Variants in MIA2 observed in about 807,000 individuals in gnomAD.
MIA2 encodes MIA SH3 domain ER export factor 2.
A neutral mutation model predicts 167.8 loss-of-function variants in MIA2; 127 were observed. The observed-to-expected ratio is 0.76, with a 90% confidence interval of 0.66 to 0.88. The LOEUF (loss-of-function observed/expected upper bound fraction) is 0.88. Among genes scored for constraint, MIA2 ranks in the 40% least tolerant of loss-of-function variants. The probability of loss-of-function intolerance (pLI) is 0.00; values close to 1 mark genes in which losing one functional copy is unlikely to be tolerated. For synonymous variants in MIA2, 552 were observed against 541.9 expected, an observed-to-expected ratio of 1.02 and a Z score of -0.26; for missense variants, 1,690 against 1,624.7, an observed-to-expected ratio of 1.04 and a Z score of -0.69.
chr14:39,357,926 T>A (rs11560068), intron 23 of MIA2, among the ~76,000 whole-genome samples: 5 of 152,244 alleles, frequency 3.3e-5, no homozygotes, highest in Non-Finnish European at 5.9e-5. Context: ...AGATCAGCTG[T>A]TAGTCTGATG....
At chr14:39,312,784 A>G (rs2064553678) in intron 18 of MIA2, among the ~76,000 whole-genome samples, 1 of 152,130 alleles carries the variant, frequency 6.6e-6, no homozygotes, top group South Asian at 2.1e-4. Flanking sequence ...TTTGGCACAT[A>G]CTAATGGCTC....
chr14:39,279,639 T>A, intron 9 of MIA2, 102 bp downstream of exon 9: 1 of 745,756 alleles, frequency 1.3e-6, no homozygotes, highest in Non-Finnish European at 2.2e-6. Context: ...ATGCTTTGTT[T>A]GCAGAGTATG....
chr14:39,234,063 C>A lies in MIA2; in HGVS notation c.-52C>A. 8.3e-7 allele frequency: 1 copy of A among 1,201,870 alleles called. No homozygotes were observed. The highest frequency in any genetic ancestry group is 1.2e-6 in the Non-Finnish European group (1 of 827,278). 74.5% of individuals were successfully genotyped at this position (1,201,870 alleles called of 1,614,324 possible). On this transcript the variant is annotated 5_prime_UTR_variant, in exon 1 of 29. Transcript: ENST00000640607. ...CCAGTTTTGGCTGACATCTCTACAA[C>A]CTGAACAATTGGCTTAAACTTCACT...
At chr14:39,349,936 G>A (rs554545081) in intron 28 of MIA2, among the ~76,000 whole-genome samples, 162 bp from the exon 29 acceptor site, 43 of 152,044 alleles carry the variant, frequency 2.8e-4, no homozygotes, top group African/African-American at 5.1e-4. Flanking sequence ...GAAGAGGTAC[G>A]TTTTTCTCAA....
rs146449091 is a variant in MIA2, at chr14:39,377,630, A to G, written c.2249-9255A>G. 1.8e-3 allele frequency among the ~76,000 whole-genome samples: 273 copies of G among 152,308 alleles called. 1 individual carries two copies. Among genetic ancestry groups the G allele is most frequent in the African/African-American group, 6.0e-3 (249 of 41,586 alleles). ...TTTGAACAGGATTTTTCTCTCTCCA[A>G]TAACCCAATTTTACTTAAAATCATA... is the stretch of plus-strand genomic sequence containing the variant. On this transcript the variant is annotated intron_variant, in intron 23 of 23. Coordinates refer to the MIA2 transcript ENST00000341502.
chr14:39,307,987 A>G (rs2063632474), intron 17 of MIA2, among the ~76,000 whole-genome samples: 1 of 152,202 alleles, frequency 6.6e-6, no homozygotes, highest in Non-Finnish European at 1.5e-5. Context: ...CAGATACAAA[A>G]TTATAACTAG....
At chr14:39,380,480 G>A (rs1404933711) in intron 23 of MIA2, among the ~76,000 whole-genome samples, 2 of 152,042 alleles carry the variant, frequency 1.3e-5, no homozygotes, top group Admixed American at 6.6e-5. Flanking sequence ...AGATCACGAG[G>A]TCAAGAGATA....
In MIA2 at chr14:39,298,542, T is replaced by TTTTTTTTTTTTTG. The variant is rs2061859226; in HGVS notation, c.2497-1320_2497-1308dup. ...TTGGTAGAACAGAGTTTTTTTTTTTTTTTTTTTTTTTTGTGAGCAACATGG... is the reference window on the plus strand; with the variant it reads ...TTGGTAGAACAGAGTTTTTTTTTTTTTTTTTTTTTTTTGTTTTTTTTTTTTGTGAGCAACATGG... On this transcript the variant is annotated intron_variant, in intron 13 of 28. Transcript: ENST00000640607. Among the ~76,000 whole-genome samples, 17 of 97,004 alleles carry TTTTTTTTTTTTTG rather than the reference T, an allele frequency of 1.8e-4. 1 individual carries two copies. In the East Asian group the frequency reaches 4.2e-3, roughly 24 times the overall value. The allele number at this position is 97,004 out of a possible 152,430, so 63.6% of individuals were successfully genotyped here.
At chr14:39,288,454 TATATATATATATATATATATA>T (rs1270907401) in intron 9 of MIA2, among the ~76,000 whole-genome samples, 262 of 13,616 alleles carry the variant, frequency 0.019, 9 homozygotes, top group South Asian at 0.038. Flanking sequence ...TATATATATA[TATATATATATATATATATATA>T]TTTTTTTTTT....
chr14:39,237,459 G>A (rs1177192455), intron 2 of MIA2, among the ~76,000 whole-genome samples: 3 of 152,012 alleles, frequency 2.0e-5, no homozygotes, highest in South Asian at 4.1e-4. Context: ...TTAAAGAAAC[G>A]TTAAGAGTTT....
At chr14:39,275,531 A>T (rs73277428) in intron 6 of MIA2, among the ~76,000 whole-genome samples, 2,904 of 152,290 alleles carry the variant, frequency 0.019, 99 homozygotes, top group African/African-American at 0.067. Flanking sequence ...ACTAAAGGTA[A>T]TTACGTGTTT....
intron 6 of MIA2, among the ~76,000 whole-genome samples, chr14:39,257,698 G>A (rs544547659): frequency 4.5e-4 from 68 of 152,212 alleles, no homozygotes; most frequent in African/African-American, 1.6e-3. Context: ...TTATATTTTG[G>A]TGTGTTTTTG....
chr14:39,323,977 C>T (rs1476385987), intron 24 of MIA2, among the ~76,000 whole-genome samples: 1 of 152,196 alleles, frequency 6.6e-6, no homozygotes, highest in Non-Finnish European at 1.5e-5. Context: ...TTCTATGATC[C>T]ACCAAAGGAG....
intron 6 of MIA2, chr14:39,267,200 G>C: frequency 7.6e-7 from 1 of 1,323,066 alleles, no homozygotes. Flanking sequence ...GTACGTCGCA[G>C]GCTTGTGCGG....
intron 3 of MIA2, among the ~76,000 whole-genome samples, chr14:39,242,898 G>A (rs953828174): frequency 2.6e-5 from 4 of 151,500 alleles, no homozygotes; most frequent in Admixed American, 6.6e-5. Context: ...TGAGATGGGC[G>A]GATCACTTGA....
chr14:39,379,650 G>A (rs1285902484), intron 23 of MIA2, among the ~76,000 whole-genome samples: 3 of 152,130 alleles, frequency 2.0e-5, no homozygotes, highest in Admixed American at 2.0e-4. Context: ...TCAGGAGTTC[G>A]AGACCAGTCT....
chr14:39,238,759 A>G lies in MIA2; in HGVS notation c.249+1704A>G, dbSNP rs549559141. On this transcript the variant is annotated intron_variant, in intron 2 of 28. Transcript: ENST00000640607. ...CAGTGAACCATGATTGTACCACTGC[A>G]CTCCAGCCTGGGTTACAAAGTGAGA... is the stretch of plus-strand genomic sequence containing the variant. Among the ~76,000 whole-genome samples, 18 of 133,750 alleles carry G rather than the reference A, an allele frequency of 1.3e-4. No individual in the cohort carries two copies. The South Asian group carries it at 4.7e-3, about 35-fold the overall frequency. The allele number at this position is 133,750 out of a possible 152,430, so 87.7% of individuals were successfully genotyped here.
chr14:39,367,553 A>T (rs8020472), intron 23 of MIA2, among the ~76,000 whole-genome samples: 42,343 of 152,096 alleles, frequency 0.28, 7,053 homozygotes, highest in Non-Finnish European at 0.38. Context: ...GGGAATGTGG[A>T]TACCTGGGGA....
intron 9 of MIA2, among the ~76,000 whole-genome samples, chr14:39,286,895 G>GTATA (rs71130837): frequency 6.7e-6 from 1 of 149,192 alleles, no homozygotes; most frequent in African/African-American, 2.5e-5. Context: ...GTGTGTGTGT[G>GTATA]TGTATTTTTT....
Sources: allele counts gnomAD v4.1 joint callset (sites outside exome capture counted in the v4.1 genomes callset), GRCh38; gene constraint gnomAD v4.1.1; transcripts MANE v1.5; gene names NCBI Gene and HGNC (gene_info 2026-07-23, HGNC 2026-07-21).